AGAP6: variants seen among roughly 807,000 people sequenced by gnomAD.
AGAP6 encodes ArfGAP with GTPase domain, ankyrin repeat and PH domain 6.
Under a neutral mutation model 63.9 loss-of-function variants are expected in AGAP6, and 29 were observed. That is an observed-to-expected ratio of 0.45 (90% CI 0.34 to 0.62). AGAP6 has a LOEUF of 0.62. Among genes scored for constraint, AGAP6 ranks in the 20% least tolerant of loss-of-function variants. AGAP6 has a pLI of 0.01. For synonymous variants in AGAP6, 199 were observed against 332.9 expected, an observed-to-expected ratio of 0.60 and a Z score of 4.38; for missense variants, 493 against 884.9, an observed-to-expected ratio of 0.56 and a Z score of 5.62.
chr10:49,988,784 G>T lies in AGAP6; in HGVS notation c.69G>T (p.Ser23=), dbSNP rs782058724. The change falls in exon 1 of 8, where the codon TCG becomes TCT. Residue 23 remains serine (S), a synonymous_variant. Coordinates refer to ENST00000412531, the MANE Select transcript of AGAP6 (RefSeq NM_001077665.3). ...VSLEFDQQQG[S]VCPSESETYE... ...TCGAGTTTGACCAGCAGCAGGGGTC[G>T]GTGTGTCCCTCTGAATCTGAGACCT... 4 of 1,596,914 alleles carry T rather than the reference G, an allele frequency of 2.5e-6. No individual in the cohort carries two copies. Among genetic ancestry groups the T allele is most frequent in the Non-Finnish European group, 3.4e-6 (4 of 1,179,518 alleles).
intron 6 of AGAP6, among the ~76,000 whole-genome samples, chr10:50,005,485 C>T (rs1841882605): frequency 6.6e-6 from 1 of 152,138 alleles, no homozygotes; most frequent in Non-Finnish European, 1.5e-5. Flanking sequence ...GTGGCACGCA[C>T]CTGTAGTCCC....
chr10:49,991,159 A>C (rs1341239056), intron 2 of AGAP6, among the ~76,000 whole-genome samples: 5 of 152,096 alleles, frequency 3.3e-5, no homozygotes. Flanking sequence ...GAGATATCAC[A>C]TGACTATGGA....
At position 50,009,254 on chromosome 10, in the gene AGAP6, T is replaced by C. The variant is rs1225170635; in HGVS notation, c.1129T>C (p.Phe377Leu). The C allele has an allele frequency of 4.3e-6, 7 of 1,614,002 alleles. No individual in the cohort carries two copies. Among genetic ancestry groups the C allele is most frequent in the South Asian group, 2.2e-5 (2 of 91,084 alleles). Residue 377 changes from phenylalanine (F) to leucine (L), a missense_variant, in exon 8 of 8, where the codon TTC becomes CTC. By Grantham distance (22) the Phe-to-Leu change is conservative. This residue lies in a region of AGAP6 where 342 missense variants were observed against 533.4 expected (regional missense o/e 0.64). Coordinates refer to ENST00000412531, the MANE Select transcript of AGAP6 (RefSeq NM_001077665.3). ...MDTGLGDSIC[F>L]SPSISSTTSP... ...CACCGGGCTGGGTGACTCCATATGC[T>C]TCAGCCCCAGTATCTCCAGCACCAC...
intron 6 of AGAP6, among the ~76,000 whole-genome samples, chr10:50,007,440 C>CCTTCTGG (rs2132161992): frequency 9.8e-6 from 1 of 102,358 alleles, no homozygotes; most frequent in East Asian, 2.6e-4. Flanking sequence ...ACCTCTTAGG[C>CCTTCTGG]CTTCTGGAAG....
At chr10:49,997,502 A>G (rs1554862165) in intron 4 of AGAP6, among the ~76,000 whole-genome samples, 1 of 151,886 alleles carries the variant, frequency 6.6e-6, no homozygotes, top group African/African-American at 2.4e-5. Flanking sequence ...TGTCTCGGAA[A>G]AAGGAAAAAA....
intron 1 of AGAP6, 64 bp downstream of exon 1, chr10:49,989,002 C>T (rs1367112595): frequency 6.3e-7 from 1 of 1,598,902 alleles, no homozygotes; most frequent in South Asian, 1.1e-5. Flanking sequence ...CCCCATGGTT[C>T]CCTTTGAGGC....
At chr10:50,006,316 G>C (rs1471162160) in intron 6 of AGAP6, among the ~76,000 whole-genome samples, 2 of 152,174 alleles carry the variant, frequency 1.3e-5, no homozygotes, top group Non-Finnish European at 2.9e-5. Context: ...TCAAAGTCCA[G>C]AGGAAAGCTT....
rs1408404626 is a variant in AGAP6 at position 49,998,984 on chromosome 10, G to GA, written c.397-3011dup. Among the ~76,000 whole-genome samples, 3 of 141,510 alleles carry GA rather than the reference G, an allele frequency of 2.1e-5. 1 individual carries two copies. The highest frequency in any genetic ancestry group is 7.1e-3 in the Middle Eastern group (2 of 282). The allele number at this position is 141,510 out of a possible 152,430, so 92.8% of individuals were successfully genotyped here. A position where few individuals can be genotyped will look rare whatever the true frequency, so the allele number is the denominator to read the frequency against. On this transcript the variant is annotated intron_variant, in intron 4 of 7. Coordinates refer to ENST00000412531, the MANE Select transcript of AGAP6 (RefSeq NM_001077665.3). Reference sequence around the variant, plus strand: ...ATCCCAGCACTTTGGGAGGCTGAGGGAGACGGATCATGAGGTCAGGAGCGG... The same window carrying GA: ...ATCCCAGCACTTTGGGAGGCTGAGGGAAGACGGATCATGAGGTCAGGAGCGG...
At chr10:49,998,634 G>A (rs1311908195) in intron 4 of AGAP6, among the ~76,000 whole-genome samples, 1 of 138,468 alleles carries the variant, frequency 7.2e-6, no homozygotes, top group Non-Finnish European at 1.5e-5. Context: ...AGTATAGTTT[G>A]AAATCAGGTA....
intron 3 of AGAP6, among the ~76,000 whole-genome samples, chr10:49,994,158 G>A (rs1389389264): frequency 3.9e-5 from 6 of 152,004 alleles, no homozygotes; most frequent in East Asian, 3.9e-4. Context: ...TGTACATGAG[G>A]ATTCTTTCAT....
In AGAP6 at chr10:49,988,824, A is replaced by G. The variant is rs75102885; in HGVS notation, c.109A>G (p.Arg37Gly). ...ATCTGAGACCTATGAGGCAGGAGCTAGGGACAGGATGGCAGGAGCGCCCAT... is the reference window on the plus strand; with the variant it reads ...ATCTGAGACCTATGAGGCAGGAGCTGGGGACAGGATGGCAGGAGCGCCCAT... ...SESETYEAGARDRMAGAPMAA... is the reference protein window; with the variant it reads ...SESETYEAGAGDRMAGAPMAA... The change falls in exon 1 of 8, where the codon AGG becomes GGG. Residue 37 changes from arginine (R) to glycine (G), a missense_variant. By Grantham distance (125) the Arg-to-Gly change is moderately radical. Transcript: ENST00000412531. 282,989 of 1,225,268 alleles carry G rather than the reference A, an allele frequency of 0.23. 72,305 individuals carry two copies. Among genetic ancestry groups the G allele is most frequent in the African/African-American group, 0.33 (21,796 of 65,132 alleles). 75.9% of individuals were successfully genotyped at this position (1,225,268 alleles called of 1,614,324 possible).
chr10:49,988,814 G>C lies in AGAP6; in HGVS notation c.99G>C (p.Glu33Asp). The change falls in exon 1 of 8, where the codon GAG becomes GAC. Residue 33 changes from glutamate to aspartate, a missense_variant. Coordinates refer to ENST00000412531, the MANE Select transcript of AGAP6 (RefSeq NM_001077665.3). ...SVCPSESETYEAGARDRMAGA... is the reference protein window; with the variant it reads ...SVCPSESETYDAGARDRMAGA... ...GTCCCTCTGAATCTGAGACCTATGA[G>C]GCAGGAGCTAGGGACAGGATGGCAG... 1.3e-6 allele frequency: 2 copies of C among 1,559,180 alleles called. No individual in the cohort carries two copies. The highest frequency in any genetic ancestry group is 1.7e-6 in the Non-Finnish European group (2 of 1,148,792).
intron 1 of AGAP6, 93 bp downstream of exon 1, chr10:49,989,031 C>G: frequency 6.3e-7 from 1 of 1,597,194 alleles, no homozygotes; most frequent in South Asian, 1.1e-5. Context: ...CTTCGAGCTC[C>G]TTTCTGCTTG....
rs77193201 is a variant in AGAP6, at chr10:50,009,016, G to A, written c.891G>A (p.Leu297=). The A allele has an allele frequency of 0.016, 25,541 of 1,613,832 alleles. 266 individuals carry two copies. Among genetic ancestry groups the A allele is most frequent in the Non-Finnish European group, 0.019 (21,931 of 1,179,868 alleles). Residue 297 remains leucine (L), a synonymous_variant, in exon 8 of 8, where the codon CTG becomes CTA. Coordinates refer to ENST00000412531, the MANE Select transcript of AGAP6 (RefSeq NM_001077665.3). ...TCTTAAAGCGAAGTGGGAAATGGCTGAAGACATGGAAAAAGAAATACGTCA... is the reference window on the plus strand; with the variant it reads ...TCTTAAAGCGAAGTGGGAAATGGCTAAAGACATGGAAAAAGAAATACGTCA... The part of the protein sequence containing the change: ...GMLLKRSGKW[L]KTWKKKYVTL...
Position 50,002,045 on chromosome 10 carries a change from T to G in AGAP6, c.446T>G (p.Phe149Cys). The G allele has an allele frequency of 1.9e-6, 3 of 1,612,436 alleles. No individual in the cohort carries two copies. Among genetic ancestry groups the G allele is most frequent in the Non-Finnish European group, 2.5e-6 (3 of 1,179,936 alleles). Residue 149 changes from phenylalanine (F) to cysteine (C), a missense_variant, in exon 5 of 8, where the codon TTC becomes TGC. This residue lies in a region of AGAP6 where 342 missense variants were observed against 533.4 expected (regional missense o/e 0.64). Coordinates refer to ENST00000412531, the MANE Select transcript of AGAP6 (RefSeq NM_001077665.3). ...CAATACAGCTTGTGTTCGACAATAT[T>G]CCTTGATGACAGCACAGCCATCCAG... ...SQQYSLCSTI[F>C]LDDSTAIQHY...
chr10:49,996,008 A>G (rs1242625898), intron 4 of AGAP6, among the ~76,000 whole-genome samples: 2 of 152,102 alleles, frequency 1.3e-5, no homozygotes, highest in South Asian at 2.1e-4. Context: ...TGAGGCTACT[A>G]AACCTGCAGA....
chr10:49,988,506 AGG>A lies in AGAP6; in HGVS notation c.-207_-206del. 2 of 1,420,646 alleles carry A rather than the reference AGG, an allele frequency of 1.4e-6. No homozygotes were observed. 88.0% of individuals were successfully genotyped at this position (1,420,646 alleles called of 1,614,324 possible). ...TTCACCCTCCCAGACAAGTCAACTC[AGG>A]GGAGGCAGCAGGGTGCGGGCCTTGG... On this transcript the variant is annotated 5_prime_UTR_variant, in exon 1 of 8. Coordinates refer to ENST00000412531, the MANE Select transcript of AGAP6 (RefSeq NM_001077665.3).
chr10:49,988,936 A>G lies in AGAP6; in HGVS notation c.221A>G (p.Glu74Gly). The stretch of plus-strand genomic sequence containing the variant: ...CACGTTCGTGACCGGGAGATGCCTG[A>G]AGGTGAGGAGGTGATAGGTGCCATC... ...MHHVRDREMP[E>G]ALEFNLSANP... is the part of the protein sequence containing the mutation. The change falls in exon 1 of 8, where the codon GAA becomes GGA. Residue 74 changes from glutamate (E) to glycine (G), a missense_variant and splice_region_variant. Glu to Gly is a moderately conservative substitution (Grantham distance 98). Transcript: ENST00000412531. The G allele has an allele frequency of 6.2e-7, 1 of 1,601,348 alleles. No individual in the cohort carries two copies. Among genetic ancestry groups the G allele is most frequent in the African/African-American group, 1.3e-5 (1 of 74,630 alleles).
chr10:49,992,330 A>G (rs1468855705), intron 3 of AGAP6, among the ~76,000 whole-genome samples: 6 of 152,028 alleles, frequency 3.9e-5, no homozygotes, highest in East Asian at 1.9e-4. Context: ...ATTTCCCTCA[A>G]TGTTATGTTA....
Sources: gnomAD v4.1 joint callset for allele counts (sites outside exome capture counted in the v4.1 genomes callset) on GRCh38, gnomAD v4.1.1 for gene constraint, gnomAD v4.1.1 regional missense constraint, MANE v1.5 for transcripts, NCBI Gene and HGNC (gene_info 2026-07-23, HGNC 2026-07-21) for gene names.